PIK3C2A: variants seen among roughly 807,000 people sequenced by gnomAD.
The protein encoded by PIK3C2A is phosphatidylinositol-4-phosphate 3-kinase catalytic subunit type 2 alpha.
Under a neutral mutation model 204.5 loss-of-function variants are expected in PIK3C2A, and 97 were observed. That is an observed-to-expected ratio of 0.47 (90% CI 0.40 to 0.56). PIK3C2A has a LOEUF of 0.56. Ranked by LOEUF, PIK3C2A falls within the 20% of genes least tolerant of loss-of-function variation. The pLI is 0.00. For missense variants in PIK3C2A, 1,735 were observed against 1,969.2 expected, an observed-to-expected ratio of 0.88 and a Z score of 2.25; for synonymous variants, 653 against 664.4, an observed-to-expected ratio of 0.98 and a Z score of 0.26.
intron 8 of PIK3C2A, among the ~76,000 whole-genome samples, chr11:17,137,341 T>G (rs993219867): frequency 2.0e-5 from 3 of 152,106 alleles, no homozygotes; most frequent in African/African-American, 2.4e-5. Flanking sequence ...ACTTCCTGCT[T>G]CCTTTTACTT....
At chr11:17,181,192 T>G (rs560055188) in intron 1 of PIK3C2A, among the ~76,000 whole-genome samples, 1 of 152,230 alleles carries the variant, frequency 6.6e-6, no homozygotes, top group South Asian at 2.1e-4. Flanking sequence ...TAATGGAGGC[T>G]TCATTATATA....
chr11:17,196,348 T>C (rs1852154921), intron 1 of PIK3C2A, among the ~76,000 whole-genome samples: 1 of 152,212 alleles, frequency 6.6e-6, no homozygotes, highest in African/African-American at 2.4e-5. Context: ...CCTATTGTTC[T>C]GTGGAAAATA....
intron 1 of PIK3C2A, among the ~76,000 whole-genome samples, chr11:17,201,437 G>GA (rs1299712500): frequency 7.2e-6 from 1 of 138,490 alleles, no homozygotes; most frequent in Admixed American, 7.6e-5. Context: ...TGAGGCAGGA[G>GA]AATCACTTGA....
chr11:17,183,135 C>T (rs1262940044), intron 1 of PIK3C2A, among the ~76,000 whole-genome samples: 7 of 152,304 alleles, frequency 4.6e-5, no homozygotes, highest in South Asian at 2.1e-4. Flanking sequence ...TGAGTCACCA[C>T]GCTCTGCCTC....
At chr11:17,205,150 C>A (rs1591036185) in intron 1 of PIK3C2A, among the ~76,000 whole-genome samples, 1 of 151,806 alleles carries the variant, frequency 6.6e-6, no homozygotes, top group East Asian at 1.9e-4. Flanking sequence ...GCACTCCAGC[C>A]TGGGTGACGG....
At chr11:17,151,843 AAATAT>A (rs1477079345) in intron 3 of PIK3C2A, among the ~76,000 whole-genome samples, 1 of 152,200 alleles carries the variant, frequency 6.6e-6, no homozygotes, top group Admixed American at 6.5e-5. Context: ...ACAATATTAA[AAATAT>A]AATACACCTT....
chr11:17,129,687 G>T (rs1232076884), intron 12 of PIK3C2A, among the ~76,000 whole-genome samples: 8 of 152,172 alleles, frequency 5.3e-5, no homozygotes, highest in African/African-American at 1.9e-4. Context: ...CGCCTCCTGG[G>T]TTCAAGTGAT....
intron 1 of PIK3C2A, among the ~76,000 whole-genome samples, chr11:17,172,993 C>A (rs1851227525): frequency 6.6e-6 from 1 of 152,208 alleles, no homozygotes; most frequent in African/African-American, 2.4e-5. Flanking sequence ...CCTACAGAAT[C>A]TTTTCTTTAC....
At chr11:17,171,800 G>T (rs892076045) in intron 1 of PIK3C2A, among the ~76,000 whole-genome samples, 2 of 152,222 alleles carry the variant, frequency 1.3e-5, no homozygotes, top group Non-Finnish European at 2.9e-5. Context: ...AGAGATGGGG[G>T]AGGTCTCATT....
At chr11:17,120,305 A>G (rs1254492358) in intron 15 of PIK3C2A, among the ~76,000 whole-genome samples, 1 of 152,140 alleles carries the variant, frequency 6.6e-6, no homozygotes, top group Non-Finnish European at 1.5e-5. Context: ...CCTAAGAGAT[A>G]GCAAGGATTT....
At chr11:17,206,982 C>A (rs1046983825) in intron 1 of PIK3C2A, among the ~76,000 whole-genome samples, 17 of 152,180 alleles carry the variant, frequency 1.1e-4, no homozygotes, top group Admixed American at 9.8e-4. Flanking sequence ...ACCTCAATTT[C>A]TATCGGGCCA....
At chr11:17,205,049 C>T (rs1181448698) in intron 1 of PIK3C2A, among the ~76,000 whole-genome samples, 1 of 151,574 alleles carries the variant, frequency 6.6e-6, no homozygotes, top group African/African-American at 2.4e-5. Flanking sequence ...TGGTGGTGTG[C>T]ACCTGTAATC....
Position 17,091,527 on chromosome 11 carries a change from C to G in PIK3C2A, c.4752+20G>C, listed in dbSNP as rs1429918272. 2 of 1,608,044 alleles carry G rather than the reference C, an allele frequency of 1.2e-6. No individual in the cohort carries two copies. Among genetic ancestry groups the G allele is most frequent in the East Asian group, 4.5e-5 (2 of 44,832 alleles). Reference sequence around the variant, plus strand: ...AGGTAAGGGTTTCCTCTACAACCATCATTCTTTGTAATCACTCACAAGATC... The same window carrying G: ...AGGTAAGGGTTTCCTCTACAACCATGATTCTTTGTAATCACTCACAAGATC... On this transcript the variant is annotated intron_variant, in intron 31 of 32. Transcript: ENST00000691414.
In PIK3C2A at chr11:17,184,497, C is replaced by T. The variant is rs562492350; in HGVS notation, c.-65-14691G>A. On this transcript the variant is annotated intron_variant, in intron 1 of 32. Transcript: ENST00000691414. ...TAAAATTTAAAAAATAGAAAATAGC[C>T]GCTTGTAGAATAAGGATATAAAGTA... Among the ~76,000 whole-genome samples, 8 of 151,950 alleles carry T rather than the reference C, an allele frequency of 5.3e-5. No individual in the cohort carries two copies. The East Asian group carries it at 1.2e-3, about 22-fold the overall frequency.
At chr11:17,120,465 A>T (rs1373370507) in intron 15 of PIK3C2A, among the ~76,000 whole-genome samples, 2 of 151,968 alleles carry the variant, frequency 1.3e-5, no homozygotes, top group African/African-American at 4.8e-5. Context: ...ACGTGAATGA[A>T]ATATTTCACC....
At position 17,135,196 on chromosome 11, in the gene PIK3C2A, T is replaced by C. The variant is rs201434361; in HGVS notation, c.1849-37A>G. On this transcript the variant is annotated intron_variant, in intron 9 of 32. Transcript: ENST00000691414. Reference sequence around the variant, plus strand: ...CACACACACACAATAGTCAGAAAACTGCCTATGACATAATATAAAATGTCA... The same window carrying C: ...CACACACACACAATAGTCAGAAAACCGCCTATGACATAATATAAAATGTCA... The C allele has an allele frequency of 3.7e-6, 6 of 1,604,456 alleles. No individual in the cohort carries two copies. The Admixed American group carries it at 6.7e-5, about 18-fold the overall frequency.
intron 22 of PIK3C2A, among the ~76,000 whole-genome samples, chr11:17,110,010 T>C (rs1848944669): frequency 6.6e-6 from 1 of 152,128 alleles, no homozygotes. Flanking sequence ...TAGAATACAG[T>C]GATGCAATCT....
intron 1 of PIK3C2A, among the ~76,000 whole-genome samples, chr11:17,179,531 T>C (rs926424776): frequency 6.6e-6 from 1 of 152,190 alleles, no homozygotes; most frequent in Non-Finnish European, 1.5e-5. Flanking sequence ...ACTTTCTAAT[T>C]ACCTTAATAT....
intron 8 of PIK3C2A, among the ~76,000 whole-genome samples, chr11:17,139,901 C>T (rs1850003785): frequency 6.6e-6 from 1 of 152,138 alleles, no homozygotes; most frequent in Non-Finnish European, 1.5e-5. Flanking sequence ...TTAGGAAAAT[C>T]TTATAGATTC....
Sources: allele counts gnomAD v4.1 joint callset (sites outside exome capture counted in the v4.1 genomes callset), GRCh38; gene constraint gnomAD v4.1.1; transcripts MANE v1.5; gene names NCBI Gene and HGNC (gene_info 2026-07-23, HGNC 2026-07-21).